The following DGKZ variants were observed in gnomAD, a reference collection of about 807,000 sequenced individuals.
The protein encoded by DGKZ is DAG kinase zeta.
DGKZ carries 45 observed loss-of-function variants against 142.5 expected under a neutral mutation model. The ratio of observed to expected loss-of-function variants is 0.32; its 90% CI spans 0.25 to 0.40. The LOEUF is 0.40. DGKZ is among the 10% of genes least tolerant of loss of function. The pLI, the probability that DGKZ is intolerant of heterozygous loss-of-function variation, is 1.00. For missense variants in DGKZ, 755 were observed against 1,306.5 expected (o/e 0.58, Z 6.51); for synonymous variants, 442 against 527.0 (o/e 0.84, Z 2.21).
chr11:46,346,553 G>A (rs1344876103), upstream of DGKZ, among the ~76,000 whole-genome samples: 3 of 152,210 alleles, frequency 2.0e-5, no homozygotes, highest in Admixed American at 2.0e-4. Flanking sequence ...ATTTCTGGAT[G>A]GGAGTGTGTG....
At chr11:46,376,598 G>A (rs1944571130) in intron 24 of DGKZ, 34 bp downstream of exon 24, 1 of 1,612,514 alleles carries the variant, frequency 6.2e-7, no homozygotes, top group African/African-American at 1.3e-5. Flanking sequence ...AGCCACAGCT[G>A]CTTCCGGGCC....
exon 18 of DGKZ, chr11:46,374,817 G>C: frequency 6.2e-7 from 1 of 1,600,826 alleles, no homozygotes; most frequent in Non-Finnish European, 8.5e-7. Flanking sequence ...ACCCCAGTGT[G>C]TTGTTTTCCT....
At chr11:46,345,493 G>T (rs1351884083), upstream of DGKZ, 2 of 1,514,050 alleles carry the variant, frequency 1.3e-6, no homozygotes, top group African/African-American at 1.4e-5. The surrounding 1 kb of genome is among the most constrained non-coding windows in gnomAD (Gnocchi z 4.1). Flanking sequence ...CGCTGGGGAC[G>T]GAAGAAGGGG....
chr11:46,380,119 C>T (rs979286121), exon 31 of DGKZ: 23 of 654,802 alleles, frequency 3.5e-5, no homozygotes, highest in Admixed American at 6.3e-5. Flanking sequence ...GACTCAGGAG[C>T]TGGGGGGGCC....
At chr11:46,376,101 A>T in exon 22 of DGKZ, 1 of 1,611,536 alleles carries the variant, frequency 6.2e-7, no homozygotes, top group Non-Finnish European at 8.5e-7. Context: ...CCCAGGAGAC[A>T]GTGACCTAGA....
At chr11:46,355,338 G>A (rs929733658) in intron 1 of DGKZ, among the ~76,000 whole-genome samples, 2 of 152,010 alleles carry the variant, frequency 1.3e-5, no homozygotes, top group Admixed American at 6.6e-5. Flanking sequence ...TCGATCTCCC[G>A]ACCTCGTGAT....
In DGKZ at chr11:46,378,451, G is replaced by T. The variant is rs544040980; in HGVS notation, c.2375-6G>T. 1 of 1,596,698 alleles carries T rather than the reference G, an allele frequency of 6.3e-7. No individual in the cohort carries two copies. On this transcript the variant is annotated splice_region_variant and splice_polypyrimidine_tract_variant and intron_variant, in intron 26 of 30. Coordinates refer to ENST00000527911, the Ensembl canonical transcript of DGKZ. ...CTGCAGAGTAACAGGCAGGTATTCC[G>T]TGCAGGTGAAGAGCTGATTGAGGCT...
At position 46,377,145 on chromosome 11, in the gene DGKZ, T is replaced by G. The variant is rs137909950; in HGVS notation, c.2275T>G (p.Ser759Ala). 1.1e-4 allele frequency: 179 copies of G among 1,612,868 alleles called. No homozygotes were observed. The African/African-American group carries it at 2.2e-3, about 20-fold the overall frequency. ...CCTGGACCCTGAGCTGCTGGGGGCA[T>G]CGGCCCGGCCTGACCTCCCAACCCC... is the stretch of plus-strand genomic sequence containing the variant. Residue 759 changes from serine to alanine, a missense_variant, in exon 25 of 31, where the codon TCG becomes GCG. This residue lies in a region of DGKZ where 114 missense variants were observed against 180.9 expected (regional missense o/e 0.63). Coordinates refer to ENST00000527911, the Ensembl canonical transcript of DGKZ.
intron 14 of DGKZ, 132 bp from the exon 15 acceptor site, chr11:46,374,025 G>C: frequency 2.1e-6 from 2 of 933,442 alleles, no homozygotes; most frequent in South Asian, 3.0e-5. Flanking sequence ...GCTGGGCTGA[G>C]CCCTAGCGGA....
chr11:46,335,535 G>A (rs955867165), intron 1 of DGKZ, among the ~76,000 whole-genome samples: 3 of 152,232 alleles, frequency 2.0e-5, no homozygotes, highest in African/African-American at 7.2e-5. Flanking sequence ...CTTGGGGCCT[G>A]TAATCACCAA....
intron 15 of DGKZ, 57 bp downstream of exon 15, chr11:46,374,292 G>A (rs1944301973): frequency 4.3e-6 from 7 of 1,612,288 alleles, no homozygotes; most frequent in South Asian, 2.2e-5. Context: ...TCCCCGGGAG[G>A]GTCAGACCCT....
intron 1 of DGKZ, among the ~76,000 whole-genome samples, chr11:46,354,672 A>G (rs900888904): frequency 1.2e-4 from 19 of 152,324 alleles, no homozygotes; most frequent in East Asian, 5.8e-4. Context: ...CCCTGGAGGA[A>G]ACCACAATTC....
At chr11:46,370,752 C>T (rs1943852036) in intron 6 of DGKZ, among the ~76,000 whole-genome samples, 1 of 152,098 alleles carries the variant, frequency 6.6e-6, no homozygotes, top group Non-Finnish European at 1.5e-5. Context: ...CCACCCTGCT[C>T]TTCAGGCTTA....
upstream of DGKZ, among the ~76,000 whole-genome samples, chr11:46,344,555 G>T (rs557644012): frequency 3.3e-5 from 5 of 150,202 alleles, 1 homozygote; most frequent in South Asian, 1.1e-3. Context: ...CCAGGTTCAA[G>T]CGATTCTCCT....
chr11:46,348,216 G>A (rs1433028199), intron 1 of DGKZ, among the ~76,000 whole-genome samples: 1 of 152,112 alleles, frequency 6.6e-6, no homozygotes, highest in Non-Finnish European at 1.5e-5. Flanking sequence ...GATAGAACAG[G>A]GCCTCTCTGA....
chr11:46,378,819 C>T (rs1944866706), intron 27 of DGKZ, 172 bp from the exon 28 acceptor site: 9 of 1,142,800 alleles, frequency 7.9e-6, no homozygotes, highest in Non-Finnish European at 1.1e-5. Context: ...GGGTGAGAGG[C>T]CCCTCCTCCG....
At chr11:46,335,185 G>A (rs944318319) in intron 1 of DGKZ, among the ~76,000 whole-genome samples, 5 of 152,022 alleles carry the variant, frequency 3.3e-5, no homozygotes, top group African/African-American at 9.7e-5. Flanking sequence ...GTGGTGGCAG[G>A]CACCTGTAAT....
upstream of DGKZ, chr11:46,347,439 C>T (rs1407077570): frequency 2.0e-6 from 2 of 982,166 alleles, no homozygotes; most frequent in Non-Finnish European, 2.4e-6. This position sits in a 1 kb window ranked among gnomAD's most constrained non-coding sequence, Gnocchi z 6.4. Flanking sequence ...GCCAGCTATG[C>T]GGGGTCCTGC....
At chr11:46,362,376 G>A (rs1188267928) in intron 1 of DGKZ, among the ~76,000 whole-genome samples, 2 of 152,182 alleles carry the variant, frequency 1.3e-5, no homozygotes, top group East Asian at 1.9e-4. Context: ...CCTGTGGCCG[G>A]CTCTGTTCCT....
Sources: allele counts gnomAD v4.1 joint callset (sites outside exome capture counted in the v4.1 genomes callset), GRCh38; gene constraint gnomAD v4.1.1; regional missense constraint gnomAD v4.1.1; non-coding constraint Gnocchi (gnomAD v3.1); transcripts MANE v1.5; gene names NCBI Gene and HGNC (gene_info 2026-07-23, HGNC 2026-07-21).